CDH11: variants seen among roughly 807,000 people sequenced by gnomAD.
CDH11 encodes the protein cadherin-11.
In CDH11, 11 loss-of-function variants were observed where a neutral mutation model predicts 67.8. That is an observed-to-expected ratio of 0.16 (90% CI 0.10 to 0.27). CDH11 has a LOEUF of 0.27. Ranked by LOEUF, CDH11 falls within the 10% of genes least tolerant of loss-of-function variation. The pLI, the probability that CDH11 is intolerant of heterozygous loss-of-function variation, is 1.00. For synonymous variants in CDH11, 419 were observed against 400.0 expected, an observed-to-expected ratio of 1.05 and a Z score of -0.57; for missense variants, 847 against 1,031.2, an observed-to-expected ratio of 0.82 and a Z score of 2.45.
intron 1 of CDH11, among the ~76,000 whole-genome samples, chr16:65,091,039 A>G (rs892137263): frequency 2.0e-5 from 3 of 152,232 alleles, no homozygotes; most frequent in Non-Finnish European, 4.4e-5. Context: ...GCTCTGATAT[A>G]CGCATAAGTG....
intron 1 of CDH11, among the ~76,000 whole-genome samples, chr16:65,076,639 A>G (rs980771686): frequency 1.3e-5 from 2 of 152,104 alleles, no homozygotes; most frequent in African/African-American, 4.8e-5. Flanking sequence ...TCAACCTGTC[A>G]TCTACACTAG....
chr16:64,945,410 A>T lies in CDH11; in HGVS notation c.*2193T>A. ...ATAAAAATGCGAAAATGTAGTTGTC[A>T]TCTCTAATCCAAATACATTCCTAGA... On this transcript the variant is annotated 3_prime_UTR_variant, in exon 13 of 13. Transcript: ENST00000268603. 6.8e-6 allele frequency: 7 copies of T among 1,036,312 alleles called. No homozygotes were observed. The highest frequency in any genetic ancestry group is 8.1e-6 in the Non-Finnish European group (7 of 859,720). 64.2% of individuals were successfully genotyped at this position (1,036,312 alleles called of 1,614,324 possible). A position where few individuals can be genotyped will look rare whatever the true frequency, so the allele number is the denominator to read the frequency against.
intron 2 of CDH11, among the ~76,000 whole-genome samples, chr16:65,053,019 G>A (rs754012876): frequency 3.3e-5 from 5 of 152,180 alleles, no homozygotes; most frequent in South Asian, 4.1e-4. Context: ...TGGATTTGAC[G>A]TACATATTTA....
intron 5 of CDH11, among the ~76,000 whole-genome samples, chr16:64,992,649 T>C (rs527774192): frequency 6.6e-6 from 1 of 152,366 alleles, no homozygotes; most frequent in Non-Finnish European, 1.5e-5. Flanking sequence ...TATTGCTCTC[T>C]TACTTCTGAT....
chr16:65,044,018 G>C (rs532814276), intron 2 of CDH11, among the ~76,000 whole-genome samples: 1 of 152,150 alleles, frequency 6.6e-6, no homozygotes, highest in African/African-American at 2.4e-5. Context: ...GGTCTCTGCA[G>C]TTTAAAGTGC....
intron 8 of CDH11, among the ~76,000 whole-genome samples, chr16:64,973,677 C>A (rs920636782): frequency 6.6e-6 from 1 of 152,026 alleles, no homozygotes; most frequent in African/African-American, 2.4e-5. Flanking sequence ...GATGGTGGCA[C>A]ACACCTATAA....
rs374058628 is a variant in CDH11 at position 64,992,976 on chromosome 16, G to A, written c.582C>T (p.Ser194=). 6.5e-5 allele frequency: 105 copies of A among 1,610,398 alleles called. No homozygotes were observed. The highest frequency in any genetic ancestry group is 8.5e-5 in the Non-Finnish European group (100 of 1,176,854). ...SDADDPTYGN[S]AKLVYSILEG... is the part of the protein sequence containing the mutation. ...CGAGGATACTGTACACTAACTTGGC[G>A]CTATTTCCATAAGTGGGGTCATCTG... The change falls in exon 5 of 13, where the codon AGC becomes AGT. Residue 194 remains serine, a synonymous_variant. Coordinates refer to ENST00000268603, the MANE Select transcript of CDH11 (RefSeq NM_001797.4).
chr16:65,060,561 T>C (rs573602191), intron 1 of CDH11, among the ~76,000 whole-genome samples: 2 of 152,122 alleles, frequency 1.3e-5, no homozygotes, highest in Non-Finnish European at 2.9e-5. Context: ...AGGATGCCCA[T>C]ATGGTCAGTA....
intron 1 of CDH11, among the ~76,000 whole-genome samples, chr16:65,073,785 C>T (rs1218065467): frequency 6.6e-6 from 1 of 152,118 alleles, no homozygotes; most frequent in Non-Finnish European, 1.5e-5. Flanking sequence ...AGACTCTGCT[C>T]CAGCAGGTCT....
chr16:65,028,279 G>T (rs1469713021), intron 2 of CDH11, among the ~76,000 whole-genome samples: 1 of 152,086 alleles, frequency 6.6e-6, no homozygotes, highest in African/African-American at 2.4e-5. Context: ...TTTCTTCCTG[G>T]TGTCTGCCCC....
At chr16:65,044,040 A>T (rs1052558463) in intron 2 of CDH11, among the ~76,000 whole-genome samples, 5 of 152,184 alleles carry the variant, frequency 3.3e-5, no homozygotes, top group Admixed American at 6.5e-5. Flanking sequence ...GTGCAGAAAA[A>T]GGGAGGAGAG....
At chr16:65,106,432 T>C (rs1028553771) in intron 1 of CDH11, among the ~76,000 whole-genome samples, 2 of 152,238 alleles carry the variant, frequency 1.3e-5, no homozygotes, top group Non-Finnish European at 2.9e-5. Context: ...CTATCACATC[T>C]ATTCTGAAGA....
At chr16:65,022,283 T>C (rs2073444195) in intron 2 of CDH11, among the ~76,000 whole-genome samples, 1 of 152,156 alleles carries the variant, frequency 6.6e-6, no homozygotes, top group South Asian at 2.1e-4. Flanking sequence ...GAACCAAAAC[T>C]TAGTCCAATA....
At chr16:65,013,675 A>C (rs1177929685) in intron 2 of CDH11, among the ~76,000 whole-genome samples, 1 of 151,998 alleles carries the variant, frequency 6.6e-6, no homozygotes, top group African/African-American at 2.4e-5. Context: ...AAATATACAA[A>C]AATTAGCCTG....
At chr16:64,964,711 G>T (rs1304954973) in intron 11 of CDH11, among the ~76,000 whole-genome samples, 1 of 151,928 alleles carries the variant, frequency 6.6e-6, no homozygotes, top group Non-Finnish European at 1.5e-5. Flanking sequence ...ACCACACCCG[G>T]ATAATTTTTT....
intron 4 of CDH11, among the ~76,000 whole-genome samples, chr16:64,998,082 G>A (rs543913033): frequency 3.3e-5 from 5 of 152,230 alleles, no homozygotes; most frequent in South Asian, 4.2e-4. Flanking sequence ...AAAGATATAC[G>A]TACTTCTGAA....
At chr16:64,994,247 T>C (rs2072710395) in intron 4 of CDH11, among the ~76,000 whole-genome samples, 1 of 152,210 alleles carries the variant, frequency 6.6e-6, no homozygotes, top group Non-Finnish European at 1.5e-5. Context: ...TCAGTCACTA[T>C]TCTAGGCAGG....
rs776802995 is a variant in CDH11 at position 64,991,809 on chromosome 16, G to A, written c.770C>T (p.Thr257Ile). ...GLSGTTKVTITLTDVNDNPPK... is the reference protein window; with the variant it reads ...GLSGTTKVTIILTDVNDNPPK... ...TGGGTTGTCATTGACATCGGTCAGT[G>A]TGATCGTCACTTTGGTTGTCCCTGA... Residue 257 changes from threonine (T) to isoleucine (I), a missense_variant, in exon 6 of 13, where the codon ACA (threonine) becomes ATA (isoleucine). Around this residue, in one of 2 missense-constraint regions of CDH11, gnomAD observed 235 missense variants for 352.5 expected, o/e 0.67. Transcript: ENST00000268603. The A allele has an allele frequency of 2.5e-6, 4 of 1,613,786 alleles. No individual in the cohort carries two copies. Among genetic ancestry groups the A allele is most frequent in the Non-Finnish European group, 3.4e-6 (4 of 1,179,854 alleles).
intron 11 of CDH11, among the ~76,000 whole-genome samples, chr16:64,959,159 A>C (rs2071603597): frequency 6.6e-6 from 1 of 152,220 alleles, no homozygotes; most frequent in Non-Finnish European, 1.5e-5. Context: ...TGTACTGAGG[A>C]ATCTGCAAAA....
Sources: allele counts gnomAD v4.1 joint callset (sites outside exome capture counted in the v4.1 genomes callset), GRCh38; gene constraint gnomAD v4.1.1; regional missense constraint gnomAD v4.1.1; transcripts MANE v1.5; gene names NCBI Gene and HGNC (gene_info 2026-07-23, HGNC 2026-07-21).